The following EIF3H variants were observed in gnomAD, a reference collection of about 807,000 sequenced individuals.
EIF3H encodes the protein eukaryotic translation initiation factor 3 subunit H, also known as eIF-3-gamma.
Under a neutral mutation model 44.2 loss-of-function variants are expected in EIF3H, and 26 were observed. That is an observed-to-expected ratio of 0.59 (90% confidence interval 0.43 to 0.82). The LOEUF (loss-of-function observed/expected upper bound fraction) is 0.82, where lower values mean the gene tolerates loss of function less well. EIF3H is among the 40% of genes least tolerant of loss of function. The pLI, the probability that EIF3H is intolerant of heterozygous loss-of-function variation, is 0.00. For missense variants in EIF3H, 359 were observed against 432.8 expected (o/e 0.83, Z 1.51); for synonymous variants, 166 against 151.9 (o/e 1.09, Z -0.68).
At chr8:116,715,671 A>T (rs1814649792) in intron 2 of EIF3H, among the ~76,000 whole-genome samples, 1 of 152,122 alleles carries the variant, frequency 6.6e-6, no homozygotes, top group Non-Finnish European at 1.5e-5. Flanking sequence ...GCCTGCTGAA[A>T]AGCAAGGCAG....
intron 2 of EIF3H, among the ~76,000 whole-genome samples, chr8:116,687,746 G>A (rs199855664): frequency 1.4e-4 from 22 of 152,212 alleles, no homozygotes; most frequent in Non-Finnish European, 1.8e-4. Context: ...AATGAGGGTT[G>A]CTAAGTTATT....
chr8:116,752,724 GAAAGAAA>G (rs1815368908), intron 1 of EIF3H, among the ~76,000 whole-genome samples: 3 of 120,384 alleles, frequency 2.5e-5, no homozygotes, highest in African/African-American at 6.2e-5. Flanking sequence ...AAGAAAGAAA[GAAAGAAA>G]GAAGAGAAAG....
At chr8:116,685,591 TCTG>T (rs1261295186) in intron 2 of EIF3H, among the ~76,000 whole-genome samples, 1 of 152,164 alleles carries the variant, frequency 6.6e-6, no homozygotes, top group Non-Finnish European at 1.5e-5. Flanking sequence ...ATCAATCTAT[TCTG>T]CTTTTATTTT....
chr8:116,752,665 G>GAAGAAAGAAAGAAAGA lies in EIF3H; in HGVS notation c.132+2985_132+3000dup, dbSNP rs561596543. 2.0e-3 allele frequency among the ~76,000 whole-genome samples: 127 copies of GAAGAAAGAAAGAAAGA among 62,608 alleles called. 1 individual carries two copies. Among genetic ancestry groups the GAAGAAAGAAAGAAAGA allele is most frequent in the East Asian group, 2.3e-3 (4 of 1,760 alleles). The allele number at this position is 62,608 out of a possible 152,430, so 41.1% of individuals were successfully genotyped here. ...TAACACTGTTCATCAAGACAGAAAT[G>GAAGAAAGAAAGAAAGA]AAGAAAGAAAGAAAGAAAGAAAGAA... On this transcript the variant is annotated intron_variant, in intron 1 of 7. Transcript: ENST00000521861.
intron 1 of EIF3H, chr8:116,737,392 G>C: frequency 1.0e-5 from 4 of 392,972 alleles, no homozygotes; most frequent in South Asian, 7.8e-5. Flanking sequence ...GCAGTGGCTT[G>C]TGCCTGTAAT....
intron 6 of EIF3H, 41 bp from the exon 7 acceptor site, chr8:116,646,644 T>C (rs780102108): frequency 1.2e-6 from 2 of 1,604,552 alleles, no homozygotes; most frequent in South Asian, 2.2e-5. Flanking sequence ...TTTTTCTCCA[T>C]CTGAGGAGGA....
chr8:116,651,451 C>A (rs1813392705), intron 5 of EIF3H, among the ~76,000 whole-genome samples: 1 of 152,204 alleles, frequency 6.6e-6, no homozygotes, highest in Non-Finnish European at 1.5e-5. Context: ...AATATGGATT[C>A]TATCAGTAAC....
At chr8:116,726,939 C>T (rs1814852328) in intron 1 of EIF3H, among the ~76,000 whole-genome samples, 1 of 152,058 alleles carries the variant, frequency 6.6e-6, no homozygotes. Context: ...GTGCCTGGCA[C>T]ATATTAATAA....
At chr8:116,763,383 AT>A (rs1304221347) in intron 1 of EIF3H, among the ~76,000 whole-genome samples, 3 of 152,228 alleles carry the variant, frequency 2.0e-5, no homozygotes, top group African/African-American at 7.2e-5. Context: ...GGGAGAAGAA[AT>A]TACTATCTTC....
At chr8:116,723,001 T>TA (rs1404432026) in intron 2 of EIF3H, among the ~76,000 whole-genome samples, 1 of 152,224 alleles carries the variant, frequency 6.6e-6, no homozygotes, top group Non-Finnish European at 1.5e-5. Context: ...TAAAAGAAGT[T>TA]AGCTTCCAAT....
At chr8:116,752,795 GGGAAGGAAGGAAGGAA>G (rs1302875837) in intron 1 of EIF3H, among the ~76,000 whole-genome samples, 2 of 80,366 alleles carry the variant, frequency 2.5e-5, no homozygotes, top group East Asian at 1.1e-3. Context: ...GAGGGAGGGA[GGGAAGGAAGGAAGGAA>G]GGAAGGAAGG....
intron 2 of EIF3H, among the ~76,000 whole-genome samples, chr8:116,663,910 GAC>G (rs1419362465): frequency 7.6e-6 from 1 of 132,278 alleles, no homozygotes; most frequent in Non-Finnish European, 1.5e-5. Flanking sequence ...CAGCCTGGGA[GAC>G]AGAGCGAGAC....
At chr8:116,744,115 T>C (rs1010323464) in intron 1 of EIF3H, among the ~76,000 whole-genome samples, 20 of 151,588 alleles carry the variant, frequency 1.3e-4, no homozygotes, top group Admixed American at 5.9e-4. Context: ...TCAAAGACGA[T>C]ACCAGAAGCC....
intron 2 of EIF3H, among the ~76,000 whole-genome samples, chr8:116,709,257 T>C (rs756490630): frequency 6.0e-4 from 91 of 152,154 alleles, no homozygotes; most frequent in Non-Finnish European, 1.1e-3. Flanking sequence ...GCTTAAATTA[T>C]TGCACTTTCT....
At position 116,655,904 on chromosome 8, in the gene EIF3H, T is replaced by C. The variant is rs1376169206; in HGVS notation, c.659A>G (p.Lys220Arg). 3 of 1,613,744 alleles carry C rather than the reference T, an allele frequency of 1.9e-6. No individual in the cohort carries two copies. In the African/African-American group the frequency reaches 4.0e-5, roughly 22 times the overall value. The change falls in exon 5 of 8, where the codon AAG becomes AGG. Residue 220 changes from lysine to arginine, a missense_variant. Lys to Arg is a conservative substitution (Grantham distance 26, BLOSUM62 2). Coordinates refer to ENST00000521861, the MANE Select transcript of EIF3H (RefSeq NM_003756.3). ...ATGTTTATCTGCAACAGCTGACTTC[T>C]TTTCAAGTTCCCACATTAGGACATT... ...LINVLMWELEKKSAVADKHEL... is the reference protein window; with the variant it reads ...LINVLMWELERKSAVADKHEL...
chr8:116,694,791 T>A (rs1480988906), intron 2 of EIF3H, among the ~76,000 whole-genome samples: 1 of 152,154 alleles, frequency 6.6e-6, no homozygotes, highest in East Asian at 1.9e-4. Context: ...TAACACTAAA[T>A]TATCTTCAGG....
At chr8:116,750,143 C>G (rs1815303513) in intron 1 of EIF3H, among the ~76,000 whole-genome samples, 1 of 152,276 alleles carries the variant, frequency 6.6e-6, no homozygotes, top group Admixed American at 6.5e-5. Context: ...TGTAGCAGGG[C>G]TAGACCTGGC....
chr8:116,667,026 T>C (rs951840790), intron 2 of EIF3H, among the ~76,000 whole-genome samples: 1 of 152,196 alleles, frequency 6.6e-6, no homozygotes, highest in Non-Finnish European at 1.5e-5. Context: ...TAGCTTGCAT[T>C]AAACCATACA....
intron 2 of EIF3H, among the ~76,000 whole-genome samples, chr8:116,665,016 A>G (rs187174713): frequency 6.6e-6 from 1 of 152,326 alleles, no homozygotes; most frequent in Admixed American, 6.5e-5. Context: ...CTAATGAGCT[A>G]ATCATGATTA....
Sources: allele counts gnomAD v4.1 joint callset (sites outside exome capture counted in the v4.1 genomes callset), GRCh38; gene constraint gnomAD v4.1.1; transcripts MANE v1.5; gene names NCBI Gene and HGNC (gene_info 2026-07-23, HGNC 2026-07-21).